The following BRCA2 variants were observed in gnomAD, a reference collection of about 807,000 sequenced individuals.
The protein encoded by BRCA2 is BRCA2 DNA repair associated, also known as breast cancer type 2 susceptibility protein.
In BRCA2, 203 loss-of-function variants were observed where a neutral mutation model predicts 276.7. The observed-to-expected ratio is 0.73, with a 90% CI of 0.65 to 0.82. BRCA2 has a LOEUF of 0.82. Among genes scored for constraint, BRCA2 ranks in the 40% least tolerant of loss-of-function variants. The probability of loss-of-function intolerance (pLI) is 0.00; values close to 1 mark genes in which losing one functional copy is unlikely to be tolerated. For missense variants in BRCA2, 3,920 were observed against 3,915.0 expected (o/e 1.00, Z -0.03); for synonymous variants, 1,289 against 1,338.4 (o/e 0.96, Z 0.81).
intron 18 of BRCA2, 68 bp downstream of exon 18, chr13:32,363,601 TA>T: frequency 7.4e-7 from 1 of 1,353,672 alleles, no homozygotes; most frequent in Non-Finnish European, 1.0e-6. Context: ...GTTTTACATT[TA>T]AATTTTAAAT....
At position 32,340,079 on chromosome 13, in the gene BRCA2, AGATAAT is replaced by A; in HGVS notation, c.5728_5733del (p.Asn1910_Asp1911del). On this transcript the variant is annotated inframe_deletion, in exon 11 of 27. Coordinates refer to ENST00000380152, the MANE Select transcript of BRCA2 (RefSeq NM_000059.4). The stretch of plus-strand genomic sequence containing the variant: ...CAGAGGATATTCTTCATAACTCTCT[AGATAAT>A]GATGAATGTAGCACGCATTCACATA... The A allele has an allele frequency of 6.2e-7, 1 of 1,613,914 alleles. No homozygotes were observed. Among genetic ancestry groups the A allele is most frequent in the Non-Finnish European group, 8.5e-7 (1 of 1,179,866 alleles).
At chr13:32,385,720 T>G (rs879917291) in intron 24 of BRCA2, 4 of 189,500 alleles carry the variant, frequency 2.1e-5, no homozygotes, top group Non-Finnish European at 4.6e-5. Context: ...GGCAGGAAAG[T>G]ATATAGAAGC....
rs886038101 is a variant in BRCA2 at position 32,338,509 on chromosome 13, C to G, written c.4154C>G (p.Ser1385Ter). The G allele has an allele frequency of 6.2e-7, 1 of 1,604,200 alleles. No homozygotes were observed. The highest frequency in any genetic ancestry group is 8.5e-7 in the Non-Finnish European group (1 of 1,177,398). ...AACACTCAGATTAAAGAAGATTTGTCAGATTTAACTTTTTTGGAAGTTGCG... is the reference window on the plus strand; with the variant it reads ...AACACTCAGATTAAAGAAGATTTGTGAGATTTAACTTTTTTGGAAGTTGCG... ...EGNTQIKEDL[S>*]DLTFLEVAKA... is the part of the protein sequence containing the mutation. The change falls in exon 11 of 27, where the codon TCA becomes TGA. Residue 1385 changes from serine (S) to a stop codon, truncating the protein, a stop_gained. Transcript: ENST00000380152. LOFTEE classifies it high-confidence loss of function.
chr13:32,356,680 C>A (rs2137564126), intron 15 of BRCA2, 71 bp downstream of exon 15: 1 of 1,516,604 alleles, frequency 6.6e-7, no homozygotes, highest in South Asian at 1.1e-5. Context: ...CTAGTATCTA[C>A]AAATGGCTTT....
chr13:32,331,652 AAAAC>A lies in BRCA2; in HGVS notation c.794-616_794-613del, dbSNP rs527404646. Among the ~76,000 whole-genome samples the A allele has an allele frequency of 4.5e-3, 691 of 152,360 alleles. 4 individuals carry two copies. The highest frequency in any genetic ancestry group is 7.6e-3 in the Non-Finnish European group (520 of 68,028). ...CTATTTAATATGTGGTTGTGACACA[AAAAC>A]AAAGCCTATTGAAAATTTTCAGAGA... is the stretch of plus-strand genomic sequence containing the variant. On this transcript the variant is annotated intron_variant, in intron 9 of 26. Coordinates refer to ENST00000380152, the MANE Select transcript of BRCA2 (RefSeq NM_000059.4).
At position 32,352,880 on chromosome 13, in the gene BRCA2, G is replaced by A. The variant is rs11571700; in HGVS notation, c.7008-1981G>A. On this transcript the variant is annotated intron_variant, in intron 13 of 26. Transcript: ENST00000380152. ...GATAGAAATTCAGTAGATTTGGCCA[G>A]ATAGTGATAAGTTGAGACTGGCAAA... 0.071 allele frequency among the ~76,000 whole-genome samples: 10,775 copies of A among 152,278 alleles called. 521 individuals carry two copies. Among genetic ancestry groups the A allele is most frequent in the Middle Eastern group, 0.16 (48 of 294 alleles).
intron 20 of BRCA2, chr13:32,375,428 T>C (rs887927870): frequency 2.3e-6 from 1 of 441,052 alleles, no homozygotes; most frequent in Non-Finnish European, 4.5e-6. Flanking sequence ...AATGTTGATA[T>C]TTTGACTTCC....
intron 20 of BRCA2, among the ~76,000 whole-genome samples, chr13:32,372,596 C>A (rs1351836566): frequency 1.3e-5 from 2 of 152,136 alleles, no homozygotes; most frequent in African/African-American, 2.4e-5. Context: ...ATGATCCAAT[C>A]ACCTCCCACC....
Position 32,323,151 on chromosome 13 carries a change from ATT to A in BRCA2, c.317-1908_317-1907del, listed in dbSNP as rs200414858. On this transcript the variant is annotated intron_variant, in intron 3 of 26. Transcript: ENST00000380152. ...GGTACCTCATTGTTTGTTTTATTTA[ATT>A]TTTTTTTTTTTTTTTTGGAGATGAA... 0.24 allele frequency among the ~76,000 whole-genome samples: 32,584 copies of A among 135,498 alleles called. 3,543 individuals carry two copies. The highest frequency in any genetic ancestry group is 0.29 in the Admixed American group (3,982 of 13,500). The allele number at this position is 135,498 out of a possible 152,430, so 88.9% of individuals were successfully genotyped here.
intron 13 of BRCA2, among the ~76,000 whole-genome samples, chr13:32,351,876 A>G (rs543023419): frequency 1.3e-5 from 2 of 152,154 alleles, no homozygotes; most frequent in East Asian, 3.9e-4. Flanking sequence ...ATCTTGGCTC[A>G]CTGCAACCTC....
chr13:32,323,154 T>TA (rs2072317980), intron 3 of BRCA2, among the ~76,000 whole-genome samples: 1 of 81,156 alleles, frequency 1.2e-5, no homozygotes, highest in African/African-American at 4.4e-5. Context: ...TTATTTAATT[T>TA]TTTTTTTTTT....
chr13:32,363,818 AGCTTT>A (rs2072763201), intron 18 of BRCA2, among the ~76,000 whole-genome samples: 1 of 152,192 alleles, frequency 6.6e-6, no homozygotes, highest in Non-Finnish European at 1.5e-5. Flanking sequence ...TTGTTCTCAT[AGCTTT>A]GCTTTGATCA....
chr13:32,326,211 C>G (rs762445103), intron 5 of BRCA2, 31 bp from the exon 6 acceptor site: 1 of 1,611,800 alleles, frequency 6.2e-7, no homozygotes. Flanking sequence ...AAAAATAAAA[C>G]TTAACAATTT....
intron 3 of BRCA2, among the ~76,000 whole-genome samples, chr13:32,321,052 G>C (rs2072302911): frequency 6.6e-6 from 1 of 152,186 alleles, no homozygotes; most frequent in Non-Finnish European, 1.5e-5. Flanking sequence ...CTAGGTGATA[G>C]AGACAAGTGC....
chr13:32,326,681 T>C, intron 7 of BRCA2, 68 bp downstream of exon 7: 1 of 1,203,764 alleles, frequency 8.3e-7, no homozygotes, highest in South Asian at 1.3e-5. Context: ...CTCTAATACT[T>C]CTGTTAAAAG....
chr13:32,329,816 A>G (rs950135926), intron 8 of BRCA2, among the ~76,000 whole-genome samples: 11 of 151,730 alleles, frequency 7.2e-5, no homozygotes, highest in African/African-American at 2.7e-4. Context: ...TTATATATAT[A>G]TACCTATAAT....
intron 24 of BRCA2, among the ~76,000 whole-genome samples, chr13:32,380,773 C>T (rs998948337): frequency 6.6e-6 from 1 of 151,958 alleles, no homozygotes; most frequent in African/African-American, 2.4e-5. Flanking sequence ...ATCTCCTGAC[C>T]TCGTGATCTA....
At chr13:32,376,092 C>T (rs991945465) in intron 20 of BRCA2, among the ~76,000 whole-genome samples, 3 of 152,076 alleles carry the variant, frequency 2.0e-5, no homozygotes, top group African/African-American at 7.2e-5. Flanking sequence ...TAAAAAAATG[C>T]AGTATCTATG....
chr13:32,398,098 C>CT, intron 26 of BRCA2, 64 bp from the exon 27 acceptor site: 1 of 1,519,368 alleles, frequency 6.6e-7, no homozygotes, highest in East Asian at 2.3e-5. Flanking sequence ...TGAAAAGTTA[C>CT]TTTGATTTAG....
Sources: gnomAD v4.1 joint callset for allele counts (sites outside exome capture counted in the v4.1 genomes callset) on GRCh38, gnomAD v4.1.1 for gene constraint, MANE v1.5 for transcripts, NCBI Gene and HGNC (gene_info 2026-07-23, HGNC 2026-07-21) for gene names.